The following WASHC5 variants were observed in gnomAD, a reference collection of about 807,000 sequenced individuals.
WASHC5 encodes WASH complex subunit strumpellin.
A neutral mutation model predicts 150.4 loss-of-function variants in WASHC5; 101 were observed. The observed-to-expected ratio is 0.67, with a 90% CI of 0.57 to 0.79. The LOEUF (loss-of-function observed/expected upper bound fraction) is 0.79. WASHC5 is among the 30% of genes least tolerant of loss of function. The pLI is 0.00. For synonymous variants in WASHC5, 467 were observed against 491.2 expected, an observed-to-expected ratio of 0.95 and a Z score of 0.65; for missense variants, 1,195 against 1,396.3, an observed-to-expected ratio of 0.86 and a Z score of 2.30.
chr8:125,044,203 A>C, intron 21 of WASHC5, 109 bp from the exon 22 acceptor site: 1 of 790,954 alleles, frequency 1.3e-6, no homozygotes, highest in Admixed American at 2.0e-5. Flanking sequence ...TAAGTCACAC[A>C]AAACCTCTAA....
chr8:125,079,116 G>GTGTATATATATATATATA (rs370503575), intron 5 of WASHC5, among the ~76,000 whole-genome samples, 186 bp from the exon 6 acceptor site: 149 of 97,894 alleles, frequency 1.5e-3, no homozygotes, highest in African/African-American at 6.4e-3. Flanking sequence ...GTGTGTGTGT[G>GTGTATATATATATATATA]TATATATATA....
At position 125,024,683 on chromosome 8, in the gene WASHC5, T is replaced by C. The variant is rs920977650; in HGVS notation, c.3424-10A>G. ...CATGTGCTTCAGCAACCTGAAAAAT[T>C]AAAGAATTAAATTATTCATGGTGTT... On this transcript the variant is annotated splice_polypyrimidine_tract_variant and intron_variant, in intron 28 of 28. Coordinates refer to ENST00000318410, the MANE Select transcript of WASHC5 (RefSeq NM_014846.4). 17 of 1,580,808 alleles carry C rather than the reference T, an allele frequency of 1.1e-5. No individual in the cohort carries two copies. The highest frequency in any genetic ancestry group is 2.7e-5 in the African/African-American group (2 of 74,276).
At position 125,024,661 on chromosome 8, in the gene WASHC5, G is replaced by A; in HGVS notation, c.3436C>T (p.His1146Tyr). 1 of 1,609,218 alleles carries A rather than the reference G, an allele frequency of 6.2e-7. No homozygotes were observed. Among genetic ancestry groups the A allele is most frequent in the African/African-American group, 1.3e-5 (1 of 74,950 alleles). Residue 1146 changes from histidine (H) to tyrosine (Y), a missense_variant, in exon 29 of 29, where the codon CAT becomes TAT. Coordinates refer to ENST00000318410, the MANE Select transcript of WASHC5 (RefSeq NM_014846.4). ...TCATCAAAAATGAAATTAGGCACATGTGCTTCAGCAACCTGAAAAATTAAA... is the reference window on the plus strand; with the variant it reads ...TCATCAAAAATGAAATTAGGCACATATGCTTCAGCAACCTGAAAAATTAAA... Reference protein sequence around the residue: ...TKLPRRVAEAHVPNFIFDEFR... With the variant: ...TKLPRRVAEAYVPNFIFDEFR...
intron 17 of WASHC5, among the ~76,000 whole-genome samples, chr8:125,051,331 T>C (rs928731224): frequency 2.6e-5 from 4 of 152,252 alleles, no homozygotes; most frequent in African/African-American, 9.6e-5. Flanking sequence ...ACATACTCCC[T>C]TGAATTCTCT....
At position 125,068,068 on chromosome 8, in the gene WASHC5, C is replaced by T. The variant is rs192427623; in HGVS notation, c.1151-349G>A. ...CTTGTACTACTTCATAGCTGGGTGG[C>T]TTCCTCACGTCCTGTCTGTTCGGAG... On this transcript the variant is annotated intron_variant, in intron 9 of 28. Coordinates refer to ENST00000318410, the MANE Select transcript of WASHC5 (RefSeq NM_014846.4). Among the ~76,000 whole-genome samples the T allele has an allele frequency of 1.6e-4, 25 of 152,282 alleles. 1 individual carries two copies. In the East Asian group the frequency reaches 3.5e-3, roughly 21 times the overall value.
rs777658872 is a variant in WASHC5 at position 125,075,150 on chromosome 8, T to C, written c.865-39A>G. On this transcript the variant is annotated intron_variant, in intron 7 of 28. Coordinates refer to ENST00000318410, the MANE Select transcript of WASHC5 (RefSeq NM_014846.4). ...CATTCAGAATTTGTTAAATTCCTAC[T>C]CACTTCAAGGCAAAGGGTTGAATAC... 39 of 1,241,122 alleles carry C rather than the reference T, an allele frequency of 3.1e-5. No homozygotes were observed. In the East Asian group the frequency reaches 3.7e-4, roughly 12 times the overall value. 76.9% of individuals were successfully genotyped at this position (1,241,122 alleles called of 1,614,324 possible).
rs201394482 is a variant in WASHC5, at chr8:125,076,550, G to A, written c.712-50C>T. On this transcript the variant is annotated intron_variant, in intron 6 of 28. Transcript: ENST00000318410. ...AGAAAGCTGTTGGCAACATTTGCAC[G>A]TAGACATGCTCAAATTAAACTCTCT... 9.1e-5 allele frequency: 146 copies of A among 1,602,168 alleles called. No individual in the cohort carries two copies. The African/African-American group carries it at 1.5e-3, about 16-fold the overall frequency.
At position 125,085,702 on chromosome 8, in the gene WASHC5, C is replaced by A. The variant is rs570182521; in HGVS notation, c.-124-1680G>T. Among the ~76,000 whole-genome samples, 7 of 152,316 alleles carry A rather than the reference C, an allele frequency of 4.6e-5. No individual in the cohort carries two copies. In the East Asian group the frequency reaches 1.2e-3, roughly 25 times the overall value. On this transcript the variant is annotated intron_variant, in intron 1 of 28. Coordinates refer to ENST00000318410, the MANE Select transcript of WASHC5 (RefSeq NM_014846.4). ...TCCTGACCCATCCCTTTCCTTCCCA[C>A]TAGCTTCCTCCTACAGCCAGTGCAG... is the stretch of plus-strand genomic sequence containing the variant.
intron 1 of WASHC5, among the ~76,000 whole-genome samples, chr8:125,087,119 T>G (rs772628399): frequency 6.6e-6 from 1 of 152,248 alleles, no homozygotes; most frequent in Non-Finnish European, 1.5e-5. Context: ...GTGCTGAGAT[T>G]CAGTTTTGAG....
intron 9 of WASHC5, among the ~76,000 whole-genome samples, chr8:125,068,351 G>A (rs993581409): frequency 6.6e-6 from 1 of 152,162 alleles, no homozygotes; most frequent in Non-Finnish European, 1.5e-5. Context: ...AATAGAAACC[G>A]AAGGAAGCTG....
chr8:125,084,120 T>A (rs939765314), intron 1 of WASHC5, 98 bp from the exon 2 acceptor site: 5 of 539,794 alleles, frequency 9.3e-6, no homozygotes, highest in African/African-American at 5.7e-5. Context: ...ACTAAAAAAA[T>A]TTTAAGAAAT....
intron 8 of WASHC5, among the ~76,000 whole-genome samples, chr8:125,073,765 A>T (rs72497351): frequency 0.11 from 16,774 of 152,234 alleles, 2,161 homozygotes; most frequent in African/African-American, 0.31. Context: ...CTGAGACTAC[A>T]TCCTAGTTCT....
In WASHC5 at chr8:125,082,405, T is replaced by A; in HGVS notation, c.395A>T (p.Asn132Ile). The A allele has an allele frequency of 6.3e-7, 1 of 1,581,696 alleles. No homozygotes were observed. The highest frequency in any genetic ancestry group is 8.7e-7 in the Non-Finnish European group (1 of 1,150,946). ...TACTAGAAGTTGTTTTCCATCTTCA[T>A]TGAGAAGCACAGTTTCTAAGGTTTG... is the stretch of plus-strand genomic sequence containing the variant. ...IQQTLETVLL[N>I]EDGKQLLCEA... is the part of the protein sequence containing the mutation. The change falls in exon 4 of 29, where the codon AAT becomes ATT. Residue 132 changes from asparagine (N) to isoleucine (I), a missense_variant. Around this residue, in one of 3 missense-constraint regions of WASHC5, gnomAD observed 195 missense variants for 206.9 expected, o/e 0.94. Coordinates refer to ENST00000318410, the MANE Select transcript of WASHC5 (RefSeq NM_014846.4).
intron 28 of WASHC5, among the ~76,000 whole-genome samples, chr8:125,027,283 A>G (rs2129942047): frequency 6.6e-6 from 1 of 152,368 alleles, no homozygotes; most frequent in South Asian, 2.1e-4. Flanking sequence ...TACCCAGAGG[A>G]AAAGAAGTCA....
intron 27 of WASHC5, among the ~76,000 whole-genome samples, chr8:125,029,434 T>C (rs1482226058): frequency 6.6e-6 from 1 of 152,094 alleles, no homozygotes; most frequent in African/African-American, 2.4e-5. Flanking sequence ...GTCATAATAG[T>C]TAGCAGCATT....
Position 125,089,388 on chromosome 8 carries a change from T to C in WASHC5, c.-125+2227A>G, listed in dbSNP as rs192584460. 4.3e-3 allele frequency among the ~76,000 whole-genome samples: 647 copies of C among 152,222 alleles called. 2 individuals carry two copies. Among genetic ancestry groups the C allele is most frequent in the Non-Finnish European group, 6.9e-3 (469 of 68,010 alleles). On this transcript the variant is annotated intron_variant, in intron 1 of 28. Transcript: ENST00000318410. ...AAAATACACTAACACCAAAAATAGC[T>C]GATGACCTTAAAAAAAATCGCAAAA...
chr8:125,070,882 G>C (rs1816878548), intron 9 of WASHC5, among the ~76,000 whole-genome samples: 1 of 152,212 alleles, frequency 6.6e-6, no homozygotes, highest in Non-Finnish European at 1.5e-5. Context: ...AGATACGAAG[G>C]ATGAGGAAGT....
At chr8:125,089,311 C>A (rs571410609) in intron 1 of WASHC5, among the ~76,000 whole-genome samples, 1 of 152,252 alleles carries the variant, frequency 6.6e-6, no homozygotes, top group Non-Finnish European at 1.5e-5. Flanking sequence ...AGTGTCCAAT[C>A]TTTTGGCTTC....
chr8:125,080,655 G>A (rs182479629), intron 5 of WASHC5, among the ~76,000 whole-genome samples: 175 of 152,186 alleles, frequency 1.1e-3, no homozygotes, highest in African/African-American at 4.0e-3. Context: ...GACTATCTCC[G>A]ACATTGACCT....
Sources: gnomAD v4.1 joint callset for allele counts (sites outside exome capture counted in the v4.1 genomes callset) on GRCh38, gnomAD v4.1.1 for gene constraint, gnomAD v4.1.1 regional missense constraint, MANE v1.5 for transcripts, NCBI Gene and HGNC (gene_info 2026-07-23, HGNC 2026-07-21) for gene names.